SNX25: variants seen among roughly 807,000 people sequenced by gnomAD.
The protein encoded by SNX25 is sorting nexin-25.
SNX25 carries 62 observed loss-of-function variants against 113.7 expected under a neutral mutation model. That is an observed-to-expected ratio of 0.55 (90% confidence interval 0.44 to 0.67). SNX25 has a LOEUF of 0.67. SNX25 is among the 30% of genes least tolerant of loss of function. The pLI, the probability that SNX25 is intolerant of heterozygous loss-of-function variation, is 0.00. For synonymous variants in SNX25, 421 were observed against 436.2 expected, an observed-to-expected ratio of 0.97 and a Z score of 0.43; for missense variants, 1,014 against 1,161.0, an observed-to-expected ratio of 0.87 and a Z score of 1.84.
chr4:185,303,392 G>T (rs11938790), intron 6 of SNX25, among the ~76,000 whole-genome samples: 1 of 152,170 alleles, frequency 6.6e-6, no homozygotes, highest in Non-Finnish European at 1.5e-5. Flanking sequence ...GGGCGTGGTG[G>T]CTCACGCCTG....
intron 13 of SNX25, among the ~76,000 whole-genome samples, chr4:185,348,713 C>T (rs1236707959): frequency 1.3e-5 from 2 of 152,096 alleles, no homozygotes; most frequent in African/African-American, 4.8e-5. Context: ...ATCATTTCTT[C>T]GTGGTGAGAA....
chr4:185,336,932 A>G (rs1375258800), intron 10 of SNX25, among the ~76,000 whole-genome samples: 1 of 152,024 alleles, frequency 6.6e-6, no homozygotes. Flanking sequence ...GCATTTTTTC[A>G]TATGCTTGTT....
chr4:185,317,203 A>G (rs1357126367), intron 7 of SNX25, among the ~76,000 whole-genome samples: 1 of 152,264 alleles, frequency 6.6e-6, no homozygotes, highest in Non-Finnish European at 1.5e-5. Flanking sequence ...TATGTGGCCA[A>G]CAAACATATG....
chr4:185,303,675 A>AG (rs1754033507), intron 6 of SNX25, among the ~76,000 whole-genome samples: 2 of 151,222 alleles, frequency 1.3e-5, no homozygotes, highest in South Asian at 4.2e-4. Context: ...AAAAAAAAAA[A>AG]AAAAAAGCAA....
At chr4:185,279,118 A>G (rs1405181602) in intron 5 of SNX25, among the ~76,000 whole-genome samples, 3 of 151,218 alleles carry the variant, frequency 2.0e-5, no homozygotes, top group South Asian at 2.1e-4. Context: ...TCCAAATTGT[A>G]TATATATTTT....
At chr4:185,222,424 T>C (rs1740111800) in intron 1 of SNX25, among the ~76,000 whole-genome samples, 1 of 151,746 alleles carries the variant, frequency 6.6e-6, no homozygotes, top group South Asian at 2.1e-4. Flanking sequence ...TCTCGGTAGG[T>C]ATTCAGCGCC....
At chr4:185,370,734 C>T, downstream of SNX25, 2 of 1,614,090 alleles carry the variant, frequency 1.2e-6, no homozygotes, top group South Asian at 1.1e-5. Flanking sequence ...CATTGCCATG[C>T]CTCTGCCGAT....
At chr4:185,252,064 T>C (rs1745750648) in intron 2 of SNX25, among the ~76,000 whole-genome samples, 1 of 152,142 alleles carries the variant, frequency 6.6e-6, no homozygotes, top group Non-Finnish European at 1.5e-5. Flanking sequence ...AAGTTCAGCA[T>C]TATATAAGCT....
chr4:185,286,180 A>G (rs1218402698), intron 5 of SNX25, among the ~76,000 whole-genome samples: 2 of 152,050 alleles, frequency 1.3e-5, no homozygotes, highest in East Asian at 1.9e-4. Flanking sequence ...CAGTGGCGCA[A>G]TCATAGCTCA....
intron 14 of SNX25, chr4:185,352,981 TG>T (rs147336303): frequency 0.053 from 8,215 of 154,848 alleles, 624 homozygotes; most frequent in African/African-American, 0.17. Context: ...TCCTGTTGCC[TG>T]GTATGTCATG....
intron 1 of SNX25, among the ~76,000 whole-genome samples, chr4:185,218,177 C>T (rs3112892): frequency 0.65 from 98,884 of 151,786 alleles, 32,277 homozygotes; most frequent in East Asian, 0.73. Flanking sequence ...CTCTGCCTCC[C>T]GGGTTCAAGT....
At chr4:185,308,918 C>T (rs975127067) in intron 6 of SNX25, among the ~76,000 whole-genome samples, 2 of 152,186 alleles carry the variant, frequency 1.3e-5, no homozygotes, top group African/African-American at 4.8e-5. Flanking sequence ...ACTCATTTTG[C>T]CTGTTTGGTT....
Position 185,209,761 on chromosome 4 carries a change from T to C in SNX25, c.-66T>C, listed in dbSNP as rs1196275458. On this transcript the variant is annotated 5_prime_UTR_variant, in exon 1 of 19. Coordinates refer to ENST00000652585, the MANE Select transcript of SNX25 (RefSeq NM_001378034.2). This position sits in a 1 kb window ranked among gnomAD's most constrained non-coding sequence, Gnocchi z 5.2. ...GGCATGAGCGCGGGCTCCCCCTGCC[T>C]CCGGAGCGCCGGCGGGGGACCGGGG... 1.5e-5 allele frequency: 15 copies of C among 983,478 alleles called. No homozygotes were observed. The highest frequency in any genetic ancestry group is 1.8e-5 in the Non-Finnish European group (15 of 829,358). The allele number at this position is 983,478 out of a possible 1,614,324, so 60.9% of individuals were successfully genotyped here.
chr4:185,254,922 G>C (rs1383304394), intron 2 of SNX25, among the ~76,000 whole-genome samples: 1 of 151,518 alleles, frequency 6.6e-6, no homozygotes, highest in Non-Finnish European at 1.5e-5. Context: ...TATTGTTTCT[G>C]TATATTTCTT....
Position 185,234,454 on chromosome 4 carries a change from G to A in SNX25, c.430-12840G>A, listed in dbSNP as rs1742325145. ...TCCCAGCACTTTGGGAGGCCGAGGC[G>A]GGCGGATCACGAGGTCAGGAGATCG... On this transcript the variant is annotated intron_variant, in intron 1 of 18. Coordinates refer to ENST00000652585, the MANE Select transcript of SNX25 (RefSeq NM_001378034.2). Among the ~76,000 whole-genome samples the A allele has an allele frequency of 3.1e-4, 6 of 19,198 alleles. 3 individuals carry two copies. Among genetic ancestry groups the A allele is most frequent in the South Asian group, 3.8e-3 (2 of 526 alleles). The allele number at this position is 19,198 out of a possible 152,430, so 12.6% of individuals were successfully genotyped here. A position where few individuals can be genotyped will look rare whatever the true frequency, so the allele number is the denominator to read the frequency against.
rs79225715 is a variant in SNX25, at chr4:185,293,604, A to G, written c.1162+5522A>G. 5.1e-4 allele frequency among the ~76,000 whole-genome samples: 78 copies of G among 152,352 alleles called. No homozygotes were observed. In the East Asian group the frequency reaches 0.013, roughly 25 times the overall value. On this transcript the variant is annotated intron_variant, in intron 6 of 18. Coordinates refer to ENST00000652585, the MANE Select transcript of SNX25 (RefSeq NM_001378034.2). ...GTATGTTGCTAAGATGTTTTGATGTAGTATTTACATTATATTTTTTATTGA... is the reference window on the plus strand; with the variant it reads ...GTATGTTGCTAAGATGTTTTGATGTGGTATTTACATTATATTTTTTATTGA...
chr4:185,376,807 T>C, the SNX25 span: 2 of 755,370 alleles, frequency 2.6e-6, no homozygotes, highest in East Asian at 5.3e-5. Context: ...TTGGACAGAA[T>C]TTCCCTAGTA....
intron 6 of SNX25, among the ~76,000 whole-genome samples, chr4:185,292,146 A>G (rs1157968597): frequency 6.6e-6 from 1 of 152,202 alleles, no homozygotes; most frequent in East Asian, 1.9e-4. Context: ...ACTTTGGCAA[A>G]AAGTAGACTA....
chr4:185,224,045 G>A (rs1172582862), intron 1 of SNX25, among the ~76,000 whole-genome samples: 2 of 152,106 alleles, frequency 1.3e-5, no homozygotes, highest in South Asian at 2.1e-4. Flanking sequence ...CCCCCATTGT[G>A]TGTTTTTAAA....
Sources: allele counts gnomAD v4.1 joint callset (sites outside exome capture counted in the v4.1 genomes callset), GRCh38; gene constraint gnomAD v4.1.1; non-coding constraint Gnocchi (gnomAD v3.1); transcripts MANE v1.5; gene names NCBI Gene and HGNC (gene_info 2026-07-23, HGNC 2026-07-21).